Variants in XPO6 observed in about 807,000 individuals in gnomAD.
The protein encoded by XPO6 is exportin 6.
In XPO6, 3 loss-of-function variants were observed where a neutral mutation model predicts 130.0. The observed-to-expected ratio is 0.02, with a 90% CI of 0.01 to 0.06. The LOEUF (loss-of-function observed/expected upper bound fraction) is 0.06, where lower values mean the gene tolerates loss of function less well. Among genes scored for constraint, XPO6 ranks in the 10% least tolerant of loss-of-function variants. XPO6 has a pLI of 1.00. For missense variants in XPO6, 970 were observed against 1,393.0 expected (o/e 0.70, Z 4.83); for synonymous variants, 524 against 548.9 (o/e 0.95, Z 0.63).
At chr16:28,180,875 A>G in intron 2 of XPO6, 66 bp downstream of exon 2, 2 of 1,345,464 alleles carry the variant, frequency 1.5e-6, no homozygotes, top group Non-Finnish European at 2.1e-6. Context: ...GCTACGAACA[A>G]CTCCTTCCTC....
chr16:28,155,860 A>C (rs995786766), intron 7 of XPO6: 5 of 1,259,992 alleles, frequency 4.0e-6, no homozygotes, highest in Non-Finnish European at 5.2e-6. Context: ...AACCTACACA[A>C]GGCACAAGCA....
chr16:28,186,646 A>T (rs530220579), intron 1 of XPO6, among the ~76,000 whole-genome samples: 1 of 149,738 alleles, frequency 6.7e-6, no homozygotes, highest in East Asian at 2.0e-4. Context: ...CTGGGATCAC[A>T]GGTGGGAGCC....
At chr16:28,152,266 A>G (rs1231929918) in intron 8 of XPO6, among the ~76,000 whole-genome samples, 1 of 152,254 alleles carries the variant, frequency 6.6e-6, no homozygotes, top group Non-Finnish European at 1.5e-5. Flanking sequence ...GAGCTTCACT[A>G]TATATAATCT....
chr16:28,164,281 A>G (rs918902603), intron 6 of XPO6, among the ~76,000 whole-genome samples: 9 of 152,258 alleles, frequency 5.9e-5, no homozygotes, highest in African/African-American at 1.9e-4. Context: ...GATACGGTCA[A>G]GAAAGCAAAA....
rs1364803837 is a variant in XPO6 at position 28,132,750 on chromosome 16, T to G, written c.1537-347A>C. ...AAATGACCTACACCTTCTAGAACTC[T>G]GAGAAGGGACCATATCTCCCTTCAA... On this transcript the variant is annotated intron_variant, in intron 11 of 23. Coordinates refer to ENST00000304658, the MANE Select transcript of XPO6 (RefSeq NM_015171.4). This position sits in a 1 kb window ranked among gnomAD's most constrained non-coding sequence, Gnocchi z 4.0. Among the ~76,000 whole-genome samples the G allele has an allele frequency of 6.6e-6, 1 of 151,232 alleles. No individual in the cohort carries two copies. Among genetic ancestry groups the G allele is most frequent in the African/African-American group, 2.4e-5 (1 of 40,934 alleles).
rs114977261 is a variant in XPO6, at chr16:28,162,264, G to A, written c.643+4244C>T. Among the ~76,000 whole-genome samples the A allele has an allele frequency of 4.5e-3, 682 of 152,338 alleles. 5 individuals carry two copies. Among genetic ancestry groups the A allele is most frequent in the African/African-American group, 0.016 (662 of 41,572 alleles). ...GTTAAGGCTATTTCTCCATAAAAAC[G>A]ATTTTACTCAAATTTAAATGTTTCA... On this transcript the variant is annotated intron_variant, in intron 6 of 23. Transcript: ENST00000304658.
chr16:28,207,817 A>T (rs1483800557), intron 1 of XPO6, among the ~76,000 whole-genome samples: 1 of 152,184 alleles, frequency 6.6e-6, no homozygotes, highest in Non-Finnish European at 1.5e-5. Flanking sequence ...GGAACCTAGC[A>T]GAGTTGGTGG....
intron 1 of XPO6, among the ~76,000 whole-genome samples, chr16:28,200,708 G>T (rs1020918795): frequency 1.8e-4 from 28 of 151,958 alleles, no homozygotes; most frequent in African/African-American, 6.3e-4. Flanking sequence ...TGTTTTTTTG[G>T]TTTTTTATTT....
chr16:28,211,911 C>G lies in XPO6; in HGVS notation c.-543G>C, dbSNP rs915214241. The G allele has an allele frequency of 3.2e-5, 5 of 154,920 alleles. No individual in the cohort carries two copies. Among genetic ancestry groups the G allele is most frequent in the African/African-American group, 1.2e-4 (5 of 41,650 alleles). The allele number at this position is 154,920 out of a possible 1,614,324, so 9.6% of individuals were successfully genotyped here. Reference sequence around the variant, plus strand: ...TCCTTGCGCGCGCCCGCCCTGGAGCCGCCCGCTAGTACCGCGCGGCCGCCC... The same window carrying G: ...TCCTTGCGCGCGCCCGCCCTGGAGCGGCCCGCTAGTACCGCGCGGCCGCCC... On this transcript the variant is annotated 5_prime_UTR_variant, in exon 1 of 24. Coordinates refer to ENST00000304658, the MANE Select transcript of XPO6 (RefSeq NM_015171.4).
intron 6 of XPO6, among the ~76,000 whole-genome samples, chr16:28,160,167 A>G (rs1418999505): frequency 1.4e-5 from 2 of 144,588 alleles, no homozygotes; most frequent in Non-Finnish European, 3.0e-5. Flanking sequence ...CCTGGGCAAC[A>G]GAGCAAGCCT....
Position 28,132,288 on chromosome 16 carries a change from G to T in XPO6, c.1606+46C>A. 1 of 1,421,556 alleles carries T rather than the reference G, an allele frequency of 7.0e-7. No individual in the cohort carries two copies. Among genetic ancestry groups the T allele is most frequent in the Non-Finnish European group, 9.8e-7 (1 of 1,019,238 alleles). The allele number at this position is 1,421,556 out of a possible 1,614,324, so 88.1% of individuals were successfully genotyped here. On this transcript the variant is annotated intron_variant, in intron 12 of 23. Transcript: ENST00000304658. This position sits in a 1 kb window ranked among gnomAD's most constrained non-coding sequence, Gnocchi z 4.0. ...AGCAGTAATGAAATATCAGTCCGATGGTTTTTTGAATGTTTGGTTAAATTA... is the reference window on the plus strand; with the variant it reads ...AGCAGTAATGAAATATCAGTCCGATTGTTTTTTGAATGTTTGGTTAAATTA...
At chr16:28,190,467 G>A (rs1184485649) in intron 1 of XPO6, among the ~76,000 whole-genome samples, 1 of 152,024 alleles carries the variant, frequency 6.6e-6, no homozygotes, top group Non-Finnish European at 1.5e-5. Context: ...AAGCGATACC[G>A]CCCACCTCGG....
chr16:28,134,589 C>T (rs2042739949), intron 10 of XPO6, among the ~76,000 whole-genome samples: 1 of 152,142 alleles, frequency 6.6e-6, no homozygotes, highest in African/African-American at 2.4e-5. Flanking sequence ...CTCTGTAACC[C>T]AAATATGACC....
chr16:28,153,476 C>A lies in XPO6; in HGVS notation c.1098-691G>T, dbSNP rs2043129939. The A allele has an allele frequency of 7.1e-6, 7 of 985,240 alleles. No individual in the cohort carries two copies. In the South Asian group the frequency reaches 2.8e-4, roughly 40 times the overall value. 61.0% of individuals were successfully genotyped at this position (985,240 alleles called of 1,614,324 possible). A position where few individuals can be genotyped will look rare whatever the true frequency, so the allele number is the denominator to read the frequency against. On this transcript the variant is annotated intron_variant, in intron 7 of 23. Coordinates refer to ENST00000304658, the MANE Select transcript of XPO6 (RefSeq NM_015171.4). ...ACTCATGGCAGAACAGGACTATCAT[C>A]CACTCCCAATCCAGTGCTCTTTCTT...
intron 6 of XPO6, among the ~76,000 whole-genome samples, chr16:28,160,186 A>T (rs1338854351): frequency 0.31 from 397 of 1,300 alleles, 5 homozygotes; most frequent in Middle Eastern, 0.5. Flanking sequence ...CTCCGTCTTA[A>T]AAAAAAAAAA....
chr16:28,141,079 T>C (rs2042882729), intron 9 of XPO6, among the ~76,000 whole-genome samples: 1 of 152,234 alleles, frequency 6.6e-6, no homozygotes, highest in Non-Finnish European at 1.5e-5. Context: ...ACACCTTTAT[T>C]GCACCACAAT....
intron 1 of XPO6, among the ~76,000 whole-genome samples, chr16:28,185,088 G>C (rs193300300): frequency 6.6e-6 from 1 of 152,232 alleles, no homozygotes; most frequent in East Asian, 1.9e-4. Flanking sequence ...TAAGACAACA[G>C]GAATTAATAT....
chr16:28,169,550 G>A (rs990207222), intron 5 of XPO6, among the ~76,000 whole-genome samples, 200 bp downstream of exon 5: 51 of 152,190 alleles, frequency 3.4e-4, no homozygotes, highest in African/African-American at 1.1e-3. Context: ...GAAAGACTAC[G>A]AGGAAAATAA....
Position 28,117,017 on chromosome 16 carries a change from C to T in XPO6, c.2004+301G>A, listed in dbSNP as rs11863615. 1,745 of 306,136 alleles carry T rather than the reference C, an allele frequency of 5.7e-3. 33 individuals are homozygous for T. The highest frequency in any genetic ancestry group is 0.034 in the African/African-American group (1,618 of 47,954). 19.0% of individuals were successfully genotyped at this position (306,136 alleles called of 1,614,324 possible). Reference sequence around the variant, plus strand: ...ACAACCACTGCCCAACTGTGCTTACCGCGCGAAGGAAAATGTTTCAGAGGT... The same window carrying T: ...ACAACCACTGCCCAACTGTGCTTACTGCGCGAAGGAAAATGTTTCAGAGGT... On this transcript the variant is annotated intron_variant, in intron 15 of 23. Transcript: ENST00000304658.
Sources: allele counts gnomAD v4.1 joint callset (sites outside exome capture counted in the v4.1 genomes callset), GRCh38; gene constraint gnomAD v4.1.1; non-coding constraint Gnocchi (gnomAD v3.1); transcripts MANE v1.5; gene names NCBI Gene and HGNC (gene_info 2026-07-23, HGNC 2026-07-21).